Variants in SYNJ1 observed in about 807,000 individuals in gnomAD.
The protein encoded by SYNJ1 is synaptojanin 1.
In SYNJ1, 78 loss-of-function variants were observed where a neutral mutation model predicts 168.2. The ratio of observed to expected loss-of-function variants is 0.46; its 90% confidence interval spans 0.39 to 0.56. The LOEUF is 0.56. Ranked by LOEUF, SYNJ1 falls within the 20% of genes least tolerant of loss-of-function variation. The probability of loss-of-function intolerance (pLI) is 0.00; values close to 1 mark genes in which losing one functional copy is unlikely to be tolerated. For synonymous variants in SYNJ1, 539 were observed against 548.6 expected (o/e 0.98, Z 0.24); for missense variants, 1,303 against 1,597.6 (o/e 0.82, Z 3.14).
chr21:32,677,623 GC>G (rs2041463440), intron 12 of SYNJ1, among the ~76,000 whole-genome samples: 1 of 152,128 alleles, frequency 6.6e-6, no homozygotes, highest in East Asian at 1.9e-4. Context: ...ACTTTTGGAA[GC>G]CAGGAAGAAA....
rs2145756643 is a variant in SYNJ1, at chr21:32,643,449, C to CT, written c.3438dup (p.Ala1147SerfsTer9). 1.2e-6 allele frequency: 2 copies of CT among 1,613,586 alleles called. No individual in the cohort carries two copies. Among genetic ancestry groups the CT allele is most frequent in the Non-Finnish European group, 1.7e-6 (2 of 1,179,700 alleles). ...CTAGCTACCCCAGGACTGGGAGGGGCTCCAATACCTTTTTAGAGAAAGAAC... is the reference window on the plus strand; with the variant it reads ...CTAGCTACCCCAGGACTGGGAGGGGCTTCCAATACCTTTTTAGAGAAAGAAC... On this transcript the variant is annotated frameshift_variant, in exon 27 of 33. Coordinates refer to ENST00000674351, the MANE Select transcript of SYNJ1 (RefSeq NM_203446.3). LOFTEE classifies it high-confidence loss of function.
intron 2 of SYNJ1, among the ~76,000 whole-genome samples, chr21:32,710,712 A>C (rs973937297): frequency 6.6e-6 from 1 of 152,108 alleles, no homozygotes; most frequent in Non-Finnish European, 1.5e-5. Flanking sequence ...TATAAACTTC[A>C]AAGGGACTTG....
At position 32,629,739 on chromosome 21, in the gene SYNJ1, C is replaced by A. The variant is rs561127125; in HGVS notation, c.*2066G>T. 6 of 152,426 alleles carry A rather than the reference C, an allele frequency of 3.9e-5. No individual in the cohort carries two copies. The highest frequency in any genetic ancestry group is 1.4e-4 in the African/African-American group (6 of 41,584). 9.4% of individuals were successfully genotyped at this position (152,426 alleles called of 1,614,324 possible). Reference sequence around the variant, plus strand: ...CTCAAGGAGTTTTCTGATTGGTTTACTTAATGATATCAAAATACTACATTC... The same window carrying A: ...CTCAAGGAGTTTTCTGATTGGTTTAATTAATGATATCAAAATACTACATTC... On this transcript the variant is annotated 3_prime_UTR_variant, in exon 33 of 33. Transcript: ENST00000674351.
chr21:32,663,990 T>C (rs2040819834), intron 18 of SYNJ1, among the ~76,000 whole-genome samples: 1 of 152,206 alleles, frequency 6.6e-6, no homozygotes, highest in Non-Finnish European at 1.5e-5. Flanking sequence ...ATGACAAAAC[T>C]GACACATGTG....
In SYNJ1 at chr21:32,630,135, T is replaced by C. The variant is rs915167432; in HGVS notation, c.*1670A>G. 1.3e-5 allele frequency: 2 copies of C among 152,226 alleles called. No homozygotes were observed. The highest frequency in any genetic ancestry group is 2.9e-5 in the Non-Finnish European group (2 of 68,042). 9.4% of individuals were successfully genotyped at this position (152,226 alleles called of 1,614,324 possible). A position where few individuals can be genotyped will look rare whatever the true frequency, so the allele number is the denominator to read the frequency against. ...TGTGCCTTCCCTGCATATAAGGCCA[T>C]AGTGCTTTTTTGGGAGCGCTAGAAT... On this transcript the variant is annotated 3_prime_UTR_variant, in exon 33 of 33. Coordinates refer to ENST00000674351, the MANE Select transcript of SYNJ1 (RefSeq NM_203446.3).
Position 32,684,090 on chromosome 21 carries a change from C to T in SYNJ1, c.1148G>A (p.Cys383Tyr). The change falls in exon 10 of 33, where the codon TGC (cysteine) becomes TAC (tyrosine). Residue 383 changes from cysteine (C) to tyrosine (Y), a missense_variant. Physicochemically the swap from Cys to Tyr is radical, Grantham distance 194 (BLOSUM62 -2). Transcript: ENST00000674351. ...RCQSGTVRTN[C>Y]LDCLDRTNSV... ...ATTTGTTCTATCAAGACAATCCAAGCAGTTTGTTCGAACTGTACCACTCTG... is the reference window on the plus strand; with the variant it reads ...ATTTGTTCTATCAAGACAATCCAAGTAGTTTGTTCGAACTGTACCACTCTG... The T allele has an allele frequency of 2.5e-6, 4 of 1,613,672 alleles. No individual in the cohort carries two copies. The highest frequency in any genetic ancestry group is 2.5e-6 in the Non-Finnish European group (3 of 1,179,754).
intron 13 of SYNJ1, among the ~76,000 whole-genome samples, chr21:32,673,814 A>G (rs2041299113): frequency 6.6e-6 from 1 of 152,180 alleles, no homozygotes; most frequent in Non-Finnish European, 1.5e-5. Context: ...TTGCAGCAAC[A>G]TGCAGAACAA....
chr21:32,673,576 T>C lies in SYNJ1; in HGVS notation c.1535-45A>G, dbSNP rs368618940. Reference sequence around the variant, plus strand: ...ATAGAATTTTAGCTGCATCAAACCATTTATAAAAATTGATTTTCATAACTG... The same window carrying C: ...ATAGAATTTTAGCTGCATCAAACCACTTATAAAAATTGATTTTCATAACTG... On this transcript the variant is annotated intron_variant, in intron 13 of 32. Transcript: ENST00000674351. 20 of 1,486,224 alleles carry C rather than the reference T, an allele frequency of 1.3e-5. No homozygotes were observed. The South Asian group carries it at 2.1e-4, about 16-fold the overall frequency. 92.1% of individuals were successfully genotyped at this position (1,486,224 alleles called of 1,614,324 possible).
Position 32,688,357 on chromosome 21 carries a change from T to C in SYNJ1, c.800A>G (p.His267Arg). 6.2e-7 allele frequency: 1 copy of C among 1,613,548 alleles called. No homozygotes were observed. Among genetic ancestry groups the C allele is most frequent in the Non-Finnish European group, 8.5e-7 (1 of 1,179,762 alleles). Reference sequence around the variant, plus strand: ...AAATCCCCTTGACATACGGACACGATGAGATCCCACCTTAGACAAGAAAAA... The same window carrying C: ...AAATCCCCTTGACATACGGACACGACGAGATCCCACCTTAGACAAGAAAAA... ...WEQPGLQVGS[H>R]RVRMSRGFEA... Residue 267 changes from histidine (H) to arginine (R), a missense_variant, in exon 7 of 33, where the codon CAT becomes CGT. Physicochemically the swap from His to Arg is conservative, Grantham distance 29. This residue lies in a region of SYNJ1 where 920 missense variants were observed against 1,208.8 expected (regional missense o/e 0.76). Transcript: ENST00000674351.
At chr21:32,727,301 C>T (rs547658397) in intron 1 of SYNJ1, among the ~76,000 whole-genome samples, 1 of 152,308 alleles carries the variant, frequency 6.6e-6, no homozygotes, top group East Asian at 1.9e-4. Flanking sequence ...TATTTGGAAA[C>T]TTCAAGCAGT....
intron 3 of SYNJ1, among the ~76,000 whole-genome samples, chr21:32,701,018 C>A (rs1285728520): frequency 6.6e-6 from 1 of 152,100 alleles, no homozygotes. Context: ...CAGGTAGAAG[C>A]GGCCCTGAAT....
intron 18 of SYNJ1, among the ~76,000 whole-genome samples, chr21:32,664,577 C>A (rs549851157): frequency 6.6e-6 from 1 of 152,060 alleles, no homozygotes; most frequent in Non-Finnish European, 1.5e-5. Flanking sequence ...CTTGCTCAAT[C>A]GATCACGACC....
At position 32,699,971 on chromosome 21, in the gene SYNJ1, T is replaced by C; in HGVS notation, c.346A>G (p.Ile116Val). ...TTCAAAACTTTCCGCACTTCTGAAATGCGATCCTCATCTGAAGAATCGATT... is the reference window on the plus strand; with the variant it reads ...TTCAAAACTTTCCGCACTTCTGAAACGCGATCCTCATCTGAAGAATCGATT... ...LRIDSSDEDR[I>V]SEVRKVLNSG... The change falls in exon 4 of 33, where the codon ATT (isoleucine) becomes GTT (valine). Residue 116 changes from isoleucine to valine, a missense_variant. This residue lies in a region of SYNJ1 where 920 missense variants were observed against 1,208.8 expected (regional missense o/e 0.76). Coordinates refer to ENST00000674351, the MANE Select transcript of SYNJ1 (RefSeq NM_203446.3). 1 of 1,614,228 alleles carries C rather than the reference T, an allele frequency of 6.2e-7. No individual in the cohort carries two copies. Among genetic ancestry groups the C allele is most frequent in the Non-Finnish European group, 8.5e-7 (1 of 1,180,032 alleles).
At chr21:32,711,904 C>T (rs1387820484) in intron 2 of SYNJ1, among the ~76,000 whole-genome samples, 1 of 152,182 alleles carries the variant, frequency 6.6e-6, no homozygotes, top group Non-Finnish European at 1.5e-5. Context: ...AAATTAACTT[C>T]TTATCCAAGA....
chr21:32,676,252 CTTTA>C (rs889864169), intron 13 of SYNJ1, 76 bp downstream of exon 13: 13 of 1,150,590 alleles, frequency 1.1e-5, no homozygotes, highest in Non-Finnish European at 1.3e-5. Context: ...AATTATATGG[CTTTA>C]TTTGTTTACA....
At chr21:32,688,191 G>C in intron 7 of SYNJ1, 115 bp downstream of exon 7, 1 of 885,992 alleles carries the variant, frequency 1.1e-6, no homozygotes, top group South Asian at 1.7e-5. Flanking sequence ...AATTAAATTA[G>C]GAGTCAGAGG....
At chr21:32,686,388 T>C (rs903128008) in intron 8 of SYNJ1, among the ~76,000 whole-genome samples, 2 of 152,190 alleles carry the variant, frequency 1.3e-5, no homozygotes, top group Non-Finnish European at 2.9e-5. Flanking sequence ...TTAGAAAATG[T>C]TTTCTAACAA....
intron 14 of SYNJ1, among the ~76,000 whole-genome samples, chr21:32,671,455 T>C (rs2041185717): frequency 6.6e-6 from 1 of 152,254 alleles, no homozygotes. Context: ...AGATTATTTT[T>C]ATCTTTTATT....
intron 2 of SYNJ1, among the ~76,000 whole-genome samples, chr21:32,708,043 T>C (rs947165225): frequency 2.0e-5 from 3 of 152,206 alleles, no homozygotes; most frequent in African/African-American, 7.2e-5. Flanking sequence ...TTTTACTTTA[T>C]CATTGAAAGT....
Sources: gnomAD v4.1 joint callset for allele counts (sites outside exome capture counted in the v4.1 genomes callset) on GRCh38, gnomAD v4.1.1 for gene constraint, gnomAD v4.1.1 regional missense constraint, MANE v1.5 for transcripts, NCBI Gene and HGNC (gene_info 2026-07-23, HGNC 2026-07-21) for gene names.